Variants in KLRD1 observed in about 807,000 individuals in gnomAD.
The protein encoded by KLRD1 is killer cell lectin like receptor D1.
KLRD1 carries 21 observed loss-of-function variants against 22.6 expected under a neutral mutation model. That is an observed-to-expected ratio of 0.93 (90% CI 0.66 to 1.34). The LOEUF (loss-of-function observed/expected upper bound fraction) is 1.34. Among genes scored for constraint, KLRD1 ranks in the 40% most tolerant of loss-of-function variants. The pLI is 0.00. For synonymous variants in KLRD1, 59 were observed against 71.1 expected (o/e 0.83, Z 0.85); for missense variants, 183 against 208.6 (o/e 0.88, Z 0.76).
intron 1 of KLRD1, among the ~76,000 whole-genome samples, chr12:10,260,561 G>T (rs1949441921): frequency 6.6e-6 from 1 of 152,072 alleles, no homozygotes; most frequent in Non-Finnish European, 1.5e-5. Flanking sequence ...CCAGCACTTT[G>T]GGAGGCCGAG....
rs71049075 is a variant in KLRD1 at position 10,246,933 on chromosome 12, CTTTTT to C, written c.-101+20713_-101+20717del. Among the ~76,000 whole-genome samples the C allele has an allele frequency of 7.5e-4, 44 of 58,370 alleles. 1 individual carries two copies. Among genetic ancestry groups the C allele is most frequent in the Non-Finnish European group, 1.5e-3 (35 of 24,130 alleles). 38.3% of individuals were successfully genotyped at this position (58,370 alleles called of 152,430 possible). A position where few individuals can be genotyped will look rare whatever the true frequency, so the allele number is the denominator to read the frequency against. ...TTTTCTTTTTCTTTTCTTTTCTTTT[CTTTTT>C]TTTTTTTTTTTTGAGATAGAGTCTT... On this transcript the variant is annotated intron_variant, in intron 1 of 5. Coordinates refer to the KLRD1 transcript ENST00000544747.
At chr12:10,240,615 C>G (rs1026404624) in intron 1 of KLRD1, among the ~76,000 whole-genome samples, 1 of 152,040 alleles carries the variant, frequency 6.6e-6, no homozygotes, top group Non-Finnish European at 1.5e-5. Context: ...CAACTCACTC[C>G]CCAATCAAGG....
chr12:10,274,367 T>C (rs1345209406), intron 1 of KLRD1, among the ~76,000 whole-genome samples: 1 of 152,144 alleles, frequency 6.6e-6, no homozygotes, highest in Non-Finnish European at 1.5e-5. Flanking sequence ...AAATAGAAGA[T>C]CAACATTTAT....
Position 10,316,344 on chromosome 12 carries a change from C to T in KLRD1, c.*1551C>T, listed in dbSNP as rs1248517079. 1.3e-5 allele frequency: 2 copies of T among 151,984 alleles called. No individual in the cohort carries two copies. The highest frequency in any genetic ancestry group is 2.4e-5 in the African/African-American group (1 of 41,344). The allele number at this position is 151,984 out of a possible 1,614,324, so 9.4% of individuals were successfully genotyped here. ...TTATGCCTACTGTACCCACATAATCCTAAAAATATGTTACAACTGCTACTT... is the reference window on the plus strand; with the variant it reads ...TTATGCCTACTGTACCCACATAATCTTAAAAATATGTTACAACTGCTACTT... On this transcript the variant is annotated 3_prime_UTR_variant, in exon 6 of 6. Coordinates refer to ENST00000336164, the MANE Select transcript of KLRD1 (RefSeq NM_002262.5).
chr12:10,245,738 A>C (rs1450173732), intron 1 of KLRD1, among the ~76,000 whole-genome samples: 1 of 152,172 alleles, frequency 6.6e-6, no homozygotes, highest in Non-Finnish European at 1.5e-5. Flanking sequence ...GTACTTTTGG[A>C]AGTTTTGCCA....
chr12:10,310,328 C>A (rs1222838472), intron 3 of KLRD1, among the ~76,000 whole-genome samples: 1 of 152,184 alleles, frequency 6.6e-6, no homozygotes, highest in Non-Finnish European at 1.5e-5. Context: ...CCATGTTGGC[C>A]AGGCTGGTCT....
rs1482201478 is a variant in KLRD1 at position 10,274,128 on chromosome 12, A to G, written c.-100-33850A>G. ...TGAAATCTCGTCTCTACAAAACACA[A>G]AATTAGCTGGGGGTGGTGGTGCATG... is the stretch of plus-strand genomic sequence containing the variant. On this transcript the variant is annotated intron_variant, in intron 1 of 5. Transcript: ENST00000544747. Among the ~76,000 whole-genome samples, 3 of 151,542 alleles carry G rather than the reference A, an allele frequency of 2.0e-5. No homozygotes were observed. The East Asian group carries it at 5.8e-4, about 29-fold the overall frequency.
intron 1 of KLRD1, among the ~76,000 whole-genome samples, chr12:10,251,037 A>G (rs1231744540): frequency 6.6e-6 from 1 of 152,204 alleles, no homozygotes; most frequent in African/African-American, 2.4e-5. Context: ...ACTGGAGCTA[A>G]CATATGTTGC....
At chr12:10,256,466 TCTC>T (rs60617689) in intron 1 of KLRD1, among the ~76,000 whole-genome samples, 114,664 of 143,302 alleles carry the variant, frequency 0.8, 50,557 homozygotes, top group Non-Finnish European at 0.98. Flanking sequence ...TTCATTATCT[TCTC>T]CTTTCCTTTT....
chr12:10,325,844 G>A lies in KLRD1; in HGVS notation c.*11051G>A, dbSNP rs1366907141. ...ATAATTACCCAGAAAGGGGATTGGT[G>A]GATCATATGGTAGTTCTATTTTTAA... On this transcript the variant is annotated 3_prime_UTR_variant, in exon 6 of 6. Transcript: ENST00000336164. 1 of 152,168 alleles carries A rather than the reference G, an allele frequency of 6.6e-6. No homozygotes were observed. Among genetic ancestry groups the A allele is most frequent in the Non-Finnish European group, 1.5e-5 (1 of 68,030 alleles). The allele number at this position is 152,168 out of a possible 1,614,324, so 9.4% of individuals were successfully genotyped here. A position where few individuals can be genotyped will look rare whatever the true frequency, so the allele number is the denominator to read the frequency against.
rs1296988247 is a variant in KLRD1 at position 10,324,720 on chromosome 12, A to G, written c.*9927A>G. The G allele has an allele frequency of 1.3e-5, 2 of 149,816 alleles. No individual in the cohort carries two copies. The highest frequency in any genetic ancestry group is 2.4e-5 in the African/African-American group (1 of 40,958). The allele number at this position is 149,816 out of a possible 1,614,324, so 9.3% of individuals were successfully genotyped here. ...TTTTATGTTTTTATGAGATTTCCCC[A>G]AAGTAGTCTATTGTTTTTAAAGCTA... On this transcript the variant is annotated 3_prime_UTR_variant, in exon 6 of 6. Transcript: ENST00000336164.
At chr12:10,301,133 A>G (rs1032249099), upstream of KLRD1, among the ~76,000 whole-genome samples, 2 of 152,208 alleles carry the variant, frequency 1.3e-5, no homozygotes, top group African/African-American at 4.8e-5. Context: ...AAATCCAACT[A>G]GGCTTGCAGC....
intron 1 of KLRD1, among the ~76,000 whole-genome samples, chr12:10,272,101 A>T (rs544082945): frequency 6.6e-6 from 1 of 152,234 alleles, no homozygotes; most frequent in Non-Finnish European, 1.5e-5. Flanking sequence ...TAGAAGCAAG[A>T]GTAGAAATAT....
chr12:10,324,816 GTGTATATATATATATAT>G lies in KLRD1; in HGVS notation c.*10024_*10040del, dbSNP rs1053246554. On this transcript the variant is annotated 3_prime_UTR_variant, in exon 6 of 6. Transcript: ENST00000336164. The stretch of plus-strand genomic sequence containing the variant: ...TAAGTATATATGTATATGTGTGTGT[GTGTATATATATATATAT>G]ATATATATATTCATTTACACAGTTG... The G allele has an allele frequency of 1.2e-4, 2 of 16,600 alleles. No homozygotes were observed. Among genetic ancestry groups the G allele is most frequent in the Non-Finnish European group, 6.4e-4 (2 of 3,112 alleles). The allele number at this position is 16,600 out of a possible 1,614,324, so 1.0% of individuals were successfully genotyped here. A position where few individuals can be genotyped will look rare whatever the true frequency, so the allele number is the denominator to read the frequency against.
chr12:10,266,719 A>G (rs1180016906), intron 1 of KLRD1, among the ~76,000 whole-genome samples: 1 of 151,872 alleles, frequency 6.6e-6, no homozygotes, highest in East Asian at 1.9e-4. Flanking sequence ...ATATATATGC[A>G]CACATTATTT....
chr12:10,242,535 A>G (rs776985048), intron 1 of KLRD1, among the ~76,000 whole-genome samples: 3 of 152,176 alleles, frequency 2.0e-5, no homozygotes, highest in Admixed American at 6.5e-5. Flanking sequence ...ATTGATTTCA[A>G]TTCGTTTGGA....
chr12:10,291,112 T>C (rs935300207), intron 1 of KLRD1, among the ~76,000 whole-genome samples: 21 of 152,222 alleles, frequency 1.4e-4, no homozygotes, highest in Non-Finnish European at 2.2e-4. Context: ...TTCAAAATTA[T>C]TATATCTAAA....
At chr12:10,306,647 T>G (rs1347894064), upstream of KLRD1, among the ~76,000 whole-genome samples, 1 of 152,154 alleles carries the variant, frequency 6.6e-6, no homozygotes, top group Admixed American at 6.5e-5. Context: ...ATGAATAGAT[T>G]TCAAGTAAGC....
Position 10,325,906 on chromosome 12 carries a change from C to A in KLRD1, c.*11113C>A, listed in dbSNP as rs1182013928. The A allele has an allele frequency of 6.6e-6, 1 of 152,198 alleles. No individual in the cohort carries two copies. Among genetic ancestry groups the A allele is most frequent in the African/African-American group, 2.4e-5 (1 of 41,450 alleles). 9.4% of individuals were successfully genotyped at this position (152,198 alleles called of 1,614,324 possible). A position where few individuals can be genotyped will look rare whatever the true frequency, so the allele number is the denominator to read the frequency against. On this transcript the variant is annotated 3_prime_UTR_variant, in exon 6 of 6. Coordinates refer to ENST00000336164, the MANE Select transcript of KLRD1 (RefSeq NM_002262.5). The stretch of plus-strand genomic sequence containing the variant: ...ATCACCATCCTGTTTTCCACAGAAG[C>A]AGCACAATTTTTCATTCCCACCAAA...
Sources: gnomAD v4.1 joint callset for allele counts (sites outside exome capture counted in the v4.1 genomes callset) on GRCh38, gnomAD v4.1.1 for gene constraint, MANE v1.5 for transcripts, NCBI Gene and HGNC (gene_info 2026-07-23, HGNC 2026-07-21) for gene names.